The following GRIA3 variants were observed in gnomAD, a reference collection of about 807,000 sequenced individuals.
GRIA3 encodes the protein glutamate receptor 3.
A neutral mutation model predicts 63.0 loss-of-function variants in GRIA3; 3 were observed. That is an observed-to-expected ratio of 0.05 (90% CI 0.02 to 0.12). The LOEUF is 0.12. GRIA3 is among the 10% of genes least tolerant of loss of function. GRIA3 has a pLI of 1.00. For missense variants in GRIA3, 347 were observed against 700.9 expected (o/e 0.50, Z 5.70); for synonymous variants, 274 against 257.9 (o/e 1.06, Z -0.60).
chrX:123,472,725 T>C (rs1007386086), intron 13 of GRIA3, among the ~76,000 whole-genome samples: 1 of 111,410 alleles, frequency 9.0e-6, no homozygotes, highest in African/African-American at 3.3e-5. Flanking sequence ...ATTTGAGAGG[T>C]TGTAATTTAG....
At chrX:123,198,639 A>C (rs903005337) in intron 2 of GRIA3, among the ~76,000 whole-genome samples, 2 of 111,254 alleles carry the variant, frequency 1.8e-5, no homozygotes, top group Non-Finnish European at 3.8e-5. Context: ...TTGGGGACAA[A>C]AAAAAAGTGG....
intron 3 of GRIA3, among the ~76,000 whole-genome samples, chrX:123,312,047 G>A (rs1199122479): frequency 1.8e-5 from 2 of 111,884 alleles, no homozygotes; most frequent in African/African-American, 3.3e-5. Context: ...AGAATTAAAC[G>A]TGATAATGTG....
intron 5 of GRIA3, among the ~76,000 whole-genome samples, chrX:123,360,700 A>AG (rs1334205056): frequency 9.7e-6 from 1 of 103,508 alleles, no homozygotes; most frequent in Non-Finnish European, 2.0e-5. Flanking sequence ...TGTCTCAAAA[A>AG]AAAAAAAAAA....
chrX:123,331,732 T>C (rs185805263), intron 4 of GRIA3, among the ~76,000 whole-genome samples: 1 of 112,089 alleles, frequency 8.9e-6, no homozygotes, highest in East Asian at 2.8e-4. Flanking sequence ...GTTTGCCATA[T>C]AGTTGAGTAA....
chrX:123,427,389 GTTT>G (rs201066714), intron 11 of GRIA3, among the ~76,000 whole-genome samples: 1 of 110,128 alleles, frequency 9.1e-6, no homozygotes, highest in Admixed American at 9.7e-5. Flanking sequence ...CTGGGCATGA[GTTT>G]TTTTTTAAGA....
chrX:123,265,899 A>T (rs1233830119), intron 3 of GRIA3, among the ~76,000 whole-genome samples: 1 of 111,642 alleles, frequency 9.0e-6, no homozygotes. Flanking sequence ...AGGATATCCC[A>T]GTAGATCTTA....
chrX:123,277,833 C>A (rs1251969389), intron 3 of GRIA3, among the ~76,000 whole-genome samples: 1 of 111,680 alleles, frequency 9.0e-6, no homozygotes, highest in African/African-American at 3.3e-5. Flanking sequence ...TTTTCATGAC[C>A]ATCAAGTAAG....
chrX:123,458,920 G>T (rs372326748), intron 12 of GRIA3, among the ~76,000 whole-genome samples: 1 of 111,758 alleles, frequency 8.9e-6, no homozygotes, highest in African/African-American at 3.2e-5. Flanking sequence ...TTAAGCATGT[G>T]ATTTCTCCCA....
intron 5 of GRIA3, among the ~76,000 whole-genome samples, chrX:123,359,485 G>A (rs2045155299): frequency 9.0e-6 from 1 of 111,268 alleles, no homozygotes; most frequent in African/African-American, 3.3e-5. Flanking sequence ...GACACAAACA[G>A]GGAAGCAAAA....
At chrX:123,386,864 G>C (rs1158683225) in intron 5 of GRIA3, among the ~76,000 whole-genome samples, 1 of 111,363 alleles carries the variant, frequency 9.0e-6, no homozygotes, top group East Asian at 2.8e-4. Context: ...ACTATAGCCT[G>C]GTGACACATC....
chrX:123,437,529 A>G (rs2045651841), intron 12 of GRIA3, among the ~76,000 whole-genome samples: 1 of 35,864 alleles, frequency 2.8e-5, no homozygotes, highest in Non-Finnish European at 6.7e-5. Context: ...CATGCGAAGT[A>G]CAAAGTCCTG....
intron 3 of GRIA3, among the ~76,000 whole-genome samples, chrX:123,320,334 G>A (rs2044859754): frequency 8.9e-6 from 1 of 112,165 alleles, no homozygotes; most frequent in African/African-American, 3.2e-5. Flanking sequence ...ATTCTCTTTT[G>A]TTTTCCTTCC....
At chrX:123,202,747 G>A in intron 2 of GRIA3, 1 of 1,166,675 alleles carries the variant, frequency 8.6e-7, no homozygotes, top group African/African-American at 1.8e-5. Context: ...TGTTCACCAG[G>A]TGGGGCCCGC....
chrX:123,250,242 T>C (rs913336959), intron 2 of GRIA3, among the ~76,000 whole-genome samples: 2 of 111,511 alleles, frequency 1.8e-5, no homozygotes, highest in Non-Finnish European at 3.8e-5. Context: ...AATGGCTTTA[T>C]AGGTGTTCAT....
intron 2 of GRIA3, among the ~76,000 whole-genome samples, chrX:123,227,572 G>A (rs2044254332): frequency 9.0e-6 from 1 of 111,426 alleles, no homozygotes; most frequent in African/African-American, 3.3e-5. Context: ...GGGGGAAGGG[G>A]AGGGGAACAA....
chrX:123,199,144 C>G (rs1927654522), intron 2 of GRIA3, among the ~76,000 whole-genome samples: 1 of 111,518 alleles, frequency 9.0e-6, no homozygotes, highest in Non-Finnish European at 1.9e-5. Flanking sequence ...AGAAATTTTG[C>G]TAATGTGATT....
chrX:123,229,357 C>T (rs1021001563), intron 2 of GRIA3, among the ~76,000 whole-genome samples: 1 of 112,109 alleles, frequency 8.9e-6, no homozygotes, highest in African/African-American at 3.2e-5. Flanking sequence ...TAGTCTGTTC[C>T]TTCTATTGCC....
intron 2 of GRIA3, among the ~76,000 whole-genome samples, chrX:123,213,769 C>T (rs1421744041): frequency 3.6e-5 from 4 of 111,567 alleles, no homozygotes; most frequent in Non-Finnish European, 7.5e-5. Context: ...CAGGTTGAAG[C>T]GATTCTCCAG....
At chrX:123,423,079 C>A (rs2045571340) in intron 11 of GRIA3, among the ~76,000 whole-genome samples, 1 of 112,105 alleles carries the variant, frequency 8.9e-6, no homozygotes. Context: ...GCTCCCCCTG[C>A]TGACTTTCTG....
Sources: allele counts gnomAD v4.1 joint callset (sites outside exome capture counted in the v4.1 genomes callset), GRCh38; gene constraint gnomAD v4.1.1; transcripts MANE v1.5; gene names NCBI Gene and HGNC (gene_info 2026-07-23, HGNC 2026-07-21).